SRCIN1: variants seen among roughly 807,000 people sequenced by gnomAD.
SRCIN1 encodes the protein P130Cas-associated protein.
SRCIN1 carries 50 observed loss-of-function variants against 116.2 expected under a neutral mutation model. The ratio of observed to expected loss-of-function variants is 0.43; its 90% CI spans 0.34 to 0.54. SRCIN1 has a LOEUF of 0.54. SRCIN1 is among the 20% of genes least tolerant of loss of function. The pLI, the probability that SRCIN1 is intolerant of heterozygous loss-of-function variation, is 0.02. For synonymous variants in SRCIN1, 736 were observed against 750.0 expected, an observed-to-expected ratio of 0.98 and a Z score of 0.30; for missense variants, 1,446 against 1,672.0, an observed-to-expected ratio of 0.86 and a Z score of 2.36.
intron 3 of SRCIN1, among the ~76,000 whole-genome samples, chr17:38,567,661 C>A (rs923747199): frequency 1.3e-5 from 2 of 152,052 alleles, no homozygotes; most frequent in African/African-American, 4.8e-5. Context: ...AAGGCCAGAG[C>A]TCAGGAGGAG....
Position 38,585,512 on chromosome 17 carries a change from G to T in SRCIN1, c.23-6721C>A, listed in dbSNP as rs528373334. Among the ~76,000 whole-genome samples, 2 of 152,274 alleles carry T rather than the reference G, an allele frequency of 1.3e-5. No individual in the cohort carries two copies. The highest frequency in any genetic ancestry group is 2.1e-4 in the South Asian group (1 of 4,814). On this transcript the variant is annotated intron_variant, in intron 1 of 18. Transcript: ENST00000617146. The surrounding 1 kb of genome is among the most constrained non-coding windows in gnomAD (Gnocchi z 4.2). ...AACTAGGCAGAGGCTCTGGGAACCC[G>T]AATTAGGAGAGGGGATCCTTTGCTT...
In SRCIN1 at chr17:38,539,496, G is replaced by A. The variant is rs568033293; in HGVS notation, c.3417+4327C>T. Among the ~76,000 whole-genome samples, 8 of 152,262 alleles carry A rather than the reference G, an allele frequency of 5.3e-5. No homozygotes were observed. The South Asian group carries it at 1.7e-3, about 32-fold the overall frequency. On this transcript the variant is annotated intron_variant, in intron 18 of 18. Coordinates refer to ENST00000617146, the MANE Select transcript of SRCIN1 (RefSeq NM_025248.3). ...TGGCCAGTGGGGTCTGTGGCAGGGT[G>A]AGAGAGAGGTAGGTGGGGTGAAGTT...
At chr17:38,587,830 T>C (rs1486407748) in intron 1 of SRCIN1, among the ~76,000 whole-genome samples, 1 of 152,090 alleles carries the variant, frequency 6.6e-6, no homozygotes, top group Non-Finnish European at 1.5e-5. Flanking sequence ...CCGCAGGGCA[T>C]CCGAACTGCA....
chr17:38,595,748 C>T (rs796076387), intron 1 of SRCIN1, among the ~76,000 whole-genome samples: 7 of 152,316 alleles, frequency 4.6e-5, no homozygotes, highest in African/African-American at 1.7e-4. Flanking sequence ...AGGATTCCCG[C>T]CTCTTCTCTT....
chr17:38,593,096 C>T (rs919632857), intron 1 of SRCIN1, among the ~76,000 whole-genome samples: 6 of 152,158 alleles, frequency 3.9e-5, no homozygotes, highest in African/African-American at 1.4e-4. Flanking sequence ...AGAAAGGTTA[C>T]ATTAGGAGCC....
Position 38,561,590 on chromosome 17 carries a change from C to T in SRCIN1, c.1573G>A (p.Gly525Arg), listed in dbSNP as rs775177561. ...SSSVFAESPG[G>R]KTRSAGSAST... ...GCGCTCCCCGCGCTGCGGGTCTTCC[C>T]TCCAGGACTCTCGGCAAAGACGGAC... The change falls in exon 7 of 19, where the codon GGG (glycine) becomes AGG (arginine). Residue 525 changes from glycine (G) to arginine (R), a missense_variant. Around this residue, in one of 5 missense-constraint regions of SRCIN1, gnomAD observed 398 missense variants for 385.6 expected, o/e 1.03. Transcript: ENST00000617146. The T allele has an allele frequency of 3.6e-5, 58 of 1,598,732 alleles. No individual in the cohort carries two copies. The highest frequency in any genetic ancestry group is 4.6e-5 in the Non-Finnish European group (54 of 1,173,460).
chr17:38,578,770 G>T lies in SRCIN1; in HGVS notation c.44C>A (p.Pro15His). The change falls in exon 2 of 19, where the codon CCC (proline) becomes CAC (histidine). Residue 15 changes from proline (P) to histidine (H), a missense_variant. By Grantham distance (77) the Pro-to-His change is moderately conservative. Around this residue, in one of 5 missense-constraint regions of SRCIN1, gnomAD observed 246 missense variants for 265.1 expected, o/e 0.93. Coordinates refer to ENST00000617146, the MANE Select transcript of SRCIN1 (RefSeq NM_025248.3). ...PSQDPERSSP[P>H]MLSADDAEYP... ...CTCCGCATCGTCCGCAGACAGCATGGGGGGGCTGCTCCGCTCCGGATCTGC... is the reference window on the plus strand; with the variant it reads ...CTCCGCATCGTCCGCAGACAGCATGTGGGGGCTGCTCCGCTCCGGATCTGC... 2 of 1,513,888 alleles carry T rather than the reference G, an allele frequency of 1.3e-6. No homozygotes were observed. Among genetic ancestry groups the T allele is most frequent in the African/African-American group, 1.4e-5 (1 of 72,402 alleles). 93.8% of individuals were successfully genotyped at this position (1,513,888 alleles called of 1,614,324 possible).
At position 38,543,218 on chromosome 17, in the gene SRCIN1, C is replaced by A. The variant is rs149408506; in HGVS notation, c.3417+605G>T. On this transcript the variant is annotated intron_variant, in intron 18 of 18. Transcript: ENST00000617146. ...GCCAAAGTGCCTCGCCCTGTCCCCACCCAACCTTGCAAAGACGGGAGGTGA... is the reference window on the plus strand; with the variant it reads ...GCCAAAGTGCCTCGCCCTGTCCCCAACCAACCTTGCAAAGACGGGAGGTGA... The A allele has an allele frequency of 1.8e-3, 806 of 456,744 alleles. 8 individuals are homozygous for A. Among genetic ancestry groups the A allele is most frequent in the South Asian group, 5.0e-3 (326 of 64,576 alleles). The allele number at this position is 456,744 out of a possible 1,614,324, so 28.3% of individuals were successfully genotyped here.
chr17:38,559,281 C>A, intron 10 of SRCIN1: 1 of 506,106 alleles, frequency 2.0e-6, no homozygotes. Context: ...CGGAGGGGCT[C>A]AGTGGGTGAC....
intron 1 of SRCIN1, among the ~76,000 whole-genome samples, chr17:38,601,646 A>G (rs1242208000): frequency 7.1e-6 from 1 of 140,170 alleles, no homozygotes. Flanking sequence ...ACGCACACAC[A>G]CACACACGCT....
chr17:38,558,808 G>C lies in SRCIN1; in HGVS notation c.2026-406C>G, dbSNP rs1229155191. On this transcript the variant is annotated intron_variant, in intron 10 of 18. Coordinates refer to ENST00000617146, the MANE Select transcript of SRCIN1 (RefSeq NM_025248.3). This position sits in a 1 kb window ranked among gnomAD's most constrained non-coding sequence, Gnocchi z 4.6. ...GTTGGGAATATTTGCGGGACAGGGT[G>C]TAGCCCTATGTAGGTCCCTGCCGAC... Among the ~76,000 whole-genome samples the C allele has an allele frequency of 6.6e-6, 1 of 152,210 alleles. No homozygotes were observed. Among genetic ancestry groups the C allele is most frequent in the Non-Finnish European group, 1.5e-5 (1 of 68,026 alleles).
chr17:38,584,659 T>C (rs139535183), intron 1 of SRCIN1, among the ~76,000 whole-genome samples: 79 of 152,368 alleles, frequency 5.2e-4, no homozygotes, highest in South Asian at 3.1e-3. Context: ...CACATTCTTT[T>C]ACATGAGATC....
In SRCIN1 at chr17:38,577,469, C is replaced by T. The variant is rs116928842; in HGVS notation, c.324+1021G>A. On this transcript the variant is annotated intron_variant, in intron 2 of 18. Coordinates refer to ENST00000617146, the MANE Select transcript of SRCIN1 (RefSeq NM_025248.3). The stretch of plus-strand genomic sequence containing the variant: ...AGAAATGTGCCAATGTGTCTTGTTC[C>T]CTGCAGTGAGGATGGGAGTGGGGAC... Among the ~76,000 whole-genome samples the T allele has an allele frequency of 2.4e-4, 36 of 152,316 alleles. No homozygotes were observed. In the East Asian group the frequency reaches 6.7e-3, roughly 29 times the overall value.
intron 10 of SRCIN1, 62 bp downstream of exon 10, chr17:38,559,523 C>T (rs1183472734): frequency 2.0e-6 from 3 of 1,538,222 alleles, no homozygotes; most frequent in African/African-American, 1.4e-5. Context: ...GCGGGACTTG[C>T]GGCAAGGGAC....
At chr17:38,589,205 CG>C (rs1231790333) in intron 1 of SRCIN1, among the ~76,000 whole-genome samples, 1 of 152,202 alleles carries the variant, frequency 6.6e-6, no homozygotes, top group African/African-American at 2.4e-5. Flanking sequence ...CGTGAGCCAC[CG>C]TGCCCAGCCA....
chr17:38,577,810 C>T (rs904030941), intron 2 of SRCIN1, among the ~76,000 whole-genome samples: 2 of 152,160 alleles, frequency 1.3e-5, no homozygotes, highest in East Asian at 1.9e-4. Flanking sequence ...CCATCCCACT[C>T]GCTATAGAAG....
At chr17:38,584,833 G>A (rs536163276) in intron 1 of SRCIN1, among the ~76,000 whole-genome samples, 8 of 152,276 alleles carry the variant, frequency 5.3e-5, no homozygotes, top group African/African-American at 1.9e-4. Context: ...CTGCAAAGGA[G>A]GAGAACGGGG....
intron 1 of SRCIN1, among the ~76,000 whole-genome samples, chr17:38,587,683 T>G (rs1473865540): frequency 6.6e-6 from 1 of 151,730 alleles, no homozygotes; most frequent in Non-Finnish European, 1.5e-5. Context: ...GGACACAGAC[T>G]AACAACCTCC....
At chr17:38,595,410 G>T (rs1292957597) in intron 1 of SRCIN1, among the ~76,000 whole-genome samples, 1 of 152,106 alleles carries the variant, frequency 6.6e-6, no homozygotes, top group Non-Finnish European at 1.5e-5. Flanking sequence ...TAGAGACAGG[G>T]TTTCACCACG....
Sources: allele counts gnomAD v4.1 joint callset (sites outside exome capture counted in the v4.1 genomes callset), GRCh38; gene constraint gnomAD v4.1.1; regional missense constraint gnomAD v4.1.1; non-coding constraint Gnocchi (gnomAD v3.1); transcripts MANE v1.5; gene names NCBI Gene and HGNC (gene_info 2026-07-23, HGNC 2026-07-21).